The following KLF8 variants were observed in gnomAD, a reference collection of about 807,000 sequenced individuals.
The protein encoded by KLF8 is KLF transcription factor 8.
In KLF8, 10 loss-of-function variants were observed where a neutral mutation model predicts 18.2. The observed-to-expected ratio is 0.55, with a 90% CI of 0.34 to 0.93. The LOEUF is 0.93. KLF8 is among the 40% of genes least tolerant of loss of function. KLF8 has a pLI of 0.02. For synonymous variants in KLF8, 109 were observed against 97.3 expected (o/e 1.12, Z -0.71); for missense variants, 264 against 277.9 (o/e 0.95, Z 0.36).
chrX:56,008,374 G>C, the KLF8 span, among the ~76,000 whole-genome samples: 1 of 110,283 alleles, frequency 9.1e-6, no homozygotes, highest in Admixed American at 9.6e-5. Flanking sequence ...ATGACCCATG[G>C]AGAATAAGGA....
the KLF8 span, among the ~76,000 whole-genome samples, chrX:55,920,994 C>T: frequency 3.6e-5 from 4 of 111,643 alleles, no homozygotes; most frequent in Admixed American, 2.9e-4. Flanking sequence ...ATGATGAAGC[C>T]GCCAAAAGCA....
chrX:56,023,584 A>AAT, the KLF8 span, among the ~76,000 whole-genome samples: 2 of 111,757 alleles, frequency 1.8e-5, no homozygotes, highest in Non-Finnish European at 3.8e-5. Flanking sequence ...TGATATGATA[A>AAT]ATATACCTTC....
At chrX:56,171,972 AG>A in the KLF8 span, among the ~76,000 whole-genome samples, 1 of 111,794 alleles carries the variant, frequency 8.9e-6, no homozygotes, top group Non-Finnish European at 1.9e-5. Context: ...TGGTTGAACT[AG>A]TTTACAGTCC....
the KLF8 span, among the ~76,000 whole-genome samples, chrX:56,043,575 G>T: frequency 9.0e-6 from 1 of 110,842 alleles, no homozygotes; most frequent in Admixed American, 9.6e-5. Flanking sequence ...TAGTCTTCAG[G>T]CTCTGAGTTT....
chrX:56,076,691 T>C, the KLF8 span, among the ~76,000 whole-genome samples: 1 of 111,689 alleles, frequency 9.0e-6, no homozygotes, highest in Admixed American at 9.5e-5. Flanking sequence ...GTATTTCCAG[T>C]TCTAGATCCC....
the KLF8 span, among the ~76,000 whole-genome samples, chrX:56,088,921 G>A: frequency 1.8e-5 from 2 of 111,890 alleles, no homozygotes; most frequent in East Asian, 5.6e-4. Flanking sequence ...GGACATGGCA[G>A]TCTATAGTCC....
the KLF8 span, among the ~76,000 whole-genome samples, chrX:56,223,468 GT>G: frequency 5.3e-5 from 6 of 112,309 alleles, no homozygotes; most frequent in African/African-American, 1.9e-4. Context: ...TCAGAGCTTT[GT>G]AGATCAGAGA....
the KLF8 span, among the ~76,000 whole-genome samples, chrX:56,040,569 T>C: frequency 9.0e-6 from 1 of 111,183 alleles, no homozygotes; most frequent in African/African-American, 3.3e-5. Flanking sequence ...ATCTCTAGCA[T>C]GAAGCCTACT....
At chrX:56,119,878 G>A in the KLF8 span, among the ~76,000 whole-genome samples, 3 of 108,058 alleles carry the variant, frequency 2.8e-5, no homozygotes, top group African/African-American at 1.0e-4. Flanking sequence ...CATAAGGTAG[G>A]AGCCATAAGG....
chrX:55,963,397 A>G, the KLF8 span, among the ~76,000 whole-genome samples: 2 of 111,435 alleles, frequency 1.8e-5, no homozygotes, highest in East Asian at 2.8e-4. Flanking sequence ...GTTAGGTGGC[A>G]CAGGGCAGTA....
At chrX:56,278,123 A>G (rs1440188111) in intron 5 of KLF8, among the ~76,000 whole-genome samples, 1 of 112,411 alleles carries the variant, frequency 8.9e-6, no homozygotes, top group African/African-American at 3.2e-5. Context: ...GGAGACCCCA[A>G]TATCCTGCTT....
the KLF8 span, among the ~76,000 whole-genome samples, chrX:56,102,030 T>G: frequency 9.9e-5 from 11 of 111,659 alleles, no homozygotes; most frequent in South Asian, 3.0e-3. Flanking sequence ...TTCCTGAGAC[T>G]GGTATAAAGA....
At chrX:56,195,075 A>G in the KLF8 span, among the ~76,000 whole-genome samples, 1 of 112,050 alleles carries the variant, frequency 8.9e-6, no homozygotes, top group African/African-American at 3.2e-5. Context: ...CCCCATCTGT[A>G]AGTCACCAAC....
chrX:56,184,012 C>T, the KLF8 span, among the ~76,000 whole-genome samples: 1 of 111,490 alleles, frequency 9.0e-6, no homozygotes, highest in African/African-American at 3.3e-5. Flanking sequence ...GAGTGCCAGA[C>T]AGTTGGCACA....
the KLF8 span, among the ~76,000 whole-genome samples, chrX:56,009,654 G>C: frequency 7.2e-5 from 8 of 111,651 alleles, no homozygotes; most frequent in Admixed American, 6.6e-4. Context: ...GAGTGATAAT[G>C]AATTTTGCTG....
At chrX:55,983,976 G>A in the KLF8 span, among the ~76,000 whole-genome samples, 1 of 109,150 alleles carries the variant, frequency 9.2e-6, no homozygotes, top group Admixed American at 9.9e-5. Flanking sequence ...TTATGGCTGT[G>A]TAGTATTCTA....
At chrX:55,908,253 A>G in the KLF8 span, 1 of 252,389 alleles carries the variant, frequency 4.0e-6, no homozygotes, top group African/African-American at 2.8e-5. Flanking sequence ...GGCCGCCACT[A>G]GCAAACAACC....
At chrX:56,076,452 C>T in the KLF8 span, among the ~76,000 whole-genome samples, 1 of 110,372 alleles carries the variant, frequency 9.1e-6, no homozygotes, top group Admixed American at 9.6e-5. Context: ...CATCCATGTC[C>T]CTACAAAGGA....
chrX:56,167,428 C>A, the KLF8 span, among the ~76,000 whole-genome samples: 1 of 112,031 alleles, frequency 8.9e-6, no homozygotes, highest in Admixed American at 9.5e-5. Flanking sequence ...CACGCCTGGC[C>A]CACATTACTT....
Sources: allele counts gnomAD v4.1 joint callset (sites outside exome capture counted in the v4.1 genomes callset), GRCh38; gene constraint gnomAD v4.1.1; transcripts MANE v1.5; gene names NCBI Gene and HGNC (gene_info 2026-07-23, HGNC 2026-07-21).